Variants in SLC30A9 observed in about 807,000 individuals in gnomAD.
The protein encoded by SLC30A9 is solute carrier family 30 member 9.
SLC30A9 carries 58 observed loss-of-function variants against 87.5 expected under a neutral mutation model. That is an observed-to-expected ratio of 0.66 (90% CI 0.54 to 0.82). SLC30A9 has a LOEUF of 0.82. Among genes scored for constraint, SLC30A9 ranks in the 40% least tolerant of loss-of-function variants. The probability of loss-of-function intolerance (pLI) is 0.00; values close to 1 mark genes in which losing one functional copy is unlikely to be tolerated. For synonymous variants in SLC30A9, 234 were observed against 233.0 expected (o/e 1.00, Z -0.04); for missense variants, 557 against 679.1 (o/e 0.82, Z 2.00).
intron 1 of SLC30A9, among the ~76,000 whole-genome samples, chr4:41,994,168 A>AAAG (rs34701237): frequency 0.71 from 107,575 of 151,462 alleles, 40,921 homozygotes; most frequent in East Asian, 0.96. Flanking sequence ...AAGAAAAAAA[A>AAAG]AAGTTATAAT....
chr4:41,990,659 C>T lies in SLC30A9; in HGVS notation c.8C>T (p.Pro3Leu), dbSNP rs767957901. 9 of 1,605,402 alleles carry T rather than the reference C, an allele frequency of 5.6e-6. No individual in the cohort carries two copies. In the South Asian group the frequency reaches 7.7e-5, roughly 14 times the overall value. The change falls in exon 1 of 18, where the codon CCC (proline) becomes CTC (leucine). Residue 3 changes from proline (P) to leucine (L), a missense_variant. Physicochemically the swap from Pro to Leu is moderately conservative, Grantham distance 98 (BLOSUM62 -3). Coordinates refer to ENST00000264451, the MANE Select transcript of SLC30A9 (RefSeq NM_006345.4). Reference sequence around the variant, plus strand: ...GGCCTCTGCCCCACCAGGATGTTACCCGGCTTGGCCGCCGCCGCGGCCCAC... The same window carrying T: ...GGCCTCTGCCCCACCAGGATGTTACTCGGCTTGGCCGCCGCCGCGGCCCAC... ML[P>L]GLAAAAAHRC...
chr4:42,018,648 A>C (rs1164039693), intron 3 of SLC30A9: 1 of 220,288 alleles, frequency 4.5e-6, no homozygotes, highest in Non-Finnish European at 9.1e-6. Context: ...TATGATTAAC[A>C]GCACTGTGGC....
At chr4:42,067,992 G>A (rs1560558250) in intron 14 of SLC30A9, among the ~76,000 whole-genome samples, 1 of 152,182 alleles carries the variant, frequency 6.6e-6, no homozygotes, top group Non-Finnish European at 1.5e-5. Context: ...TTTGAATTAT[G>A]TGGTGATAGG....
intron 6 of SLC30A9, chr4:42,029,105 G>A (rs1382575748): frequency 2.5e-5 from 7 of 285,460 alleles, no homozygotes; most frequent in South Asian, 2.4e-4. Flanking sequence ...TCCTGTCTGC[G>A]GAGAGCCAGG....
At chr4:42,005,183 T>A (rs1333648056) in intron 2 of SLC30A9, among the ~76,000 whole-genome samples, 1 of 152,214 alleles carries the variant, frequency 6.6e-6, no homozygotes, top group African/African-American at 2.4e-5. Flanking sequence ...TAACTGTGAG[T>A]TCTTCATTTT....
At chr4:42,029,322 C>T (rs1716321896) in intron 6 of SLC30A9, 4 of 526,830 alleles carry the variant, frequency 7.6e-6, no homozygotes, top group South Asian at 6.2e-5. Flanking sequence ...TCATTCTATT[C>T]TACATAATAT....
chr4:42,036,540 GC>G (rs1337142962), intron 7 of SLC30A9, among the ~76,000 whole-genome samples: 2 of 152,166 alleles, frequency 1.3e-5, no homozygotes, highest in Non-Finnish European at 2.9e-5. Flanking sequence ...TTTAAACTTG[GC>G]TGGGAGGAAT....
At chr4:42,038,910 T>G in intron 7 of SLC30A9, 76 bp from the exon 8 acceptor site, 1 of 864,338 alleles carries the variant, frequency 1.2e-6, no homozygotes, top group Admixed American at 1.9e-5. Flanking sequence ...AATGTTCTGG[T>G]CTGTCAAAGC....
intron 1 of SLC30A9, among the ~76,000 whole-genome samples, chr4:42,000,042 G>T (rs1280599601): frequency 2.0e-5 from 3 of 152,172 alleles, no homozygotes; most frequent in East Asian, 1.9e-4. Context: ...GCAGTTTATT[G>T]TGCTGGTTTT....
chr4:42,025,472 A>G lies in SLC30A9; in HGVS notation c.610+2088A>G, dbSNP rs571950063. 3.9e-5 allele frequency among the ~76,000 whole-genome samples: 6 copies of G among 152,310 alleles called. No individual in the cohort carries two copies. The East Asian group carries it at 1.2e-3, about 29-fold the overall frequency. On this transcript the variant is annotated intron_variant, in intron 6 of 17. Transcript: ENST00000264451. ...ATGTCTCTTTTCAGCTAACCTAGTCAGGAGGAATAAGGAGTATATTTGTGT... is the reference window on the plus strand; with the variant it reads ...ATGTCTCTTTTCAGCTAACCTAGTCGGGAGGAATAAGGAGTATATTTGTGT...
At chr4:42,025,078 C>T (rs191637221) in intron 6 of SLC30A9, among the ~76,000 whole-genome samples, 1 of 141,866 alleles carries the variant, frequency 7.0e-6, no homozygotes, top group East Asian at 2.3e-4. Flanking sequence ...CCTTTTAATG[C>T]CCATCATCTG....
At chr4:42,072,322 T>C (rs1718344414) in intron 15 of SLC30A9, among the ~76,000 whole-genome samples, 1 of 152,076 alleles carries the variant, frequency 6.6e-6, no homozygotes. Context: ...TTCAGTTTAG[T>C]TTGCTCTTTT....
At chr4:42,021,755 T>C (rs1348368377) in intron 4 of SLC30A9, among the ~76,000 whole-genome samples, 1 of 151,892 alleles carries the variant, frequency 6.6e-6, no homozygotes, top group African/African-American at 2.4e-5. Context: ...GTTTTTTTTG[T>C]TTGTTTTTTT....
chr4:42,027,415 A>G (rs1716241416), intron 6 of SLC30A9, among the ~76,000 whole-genome samples: 1 of 152,038 alleles, frequency 6.6e-6, no homozygotes, highest in Non-Finnish European at 1.5e-5. Flanking sequence ...ATTCAGTAAC[A>G]GTTATAATTC....
intron 17 of SLC30A9, 63 bp downstream of exon 17, chr4:42,078,388 TA>T: frequency 1.2e-6 from 1 of 818,794 alleles, no homozygotes; most frequent in Non-Finnish European, 2.1e-6. Context: ...GTACTTACTC[TA>T]CAGCAGACAC....
chr4:41,993,510 A>T (rs1455898669), intron 1 of SLC30A9, among the ~76,000 whole-genome samples: 2 of 152,218 alleles, frequency 1.3e-5, no homozygotes, highest in Non-Finnish European at 2.9e-5. Flanking sequence ...GCCAATAAAA[A>T]TGCAAAAATG....
intron 3 of SLC30A9, among the ~76,000 whole-genome samples, chr4:42,019,143 A>G (rs1441225990): frequency 6.6e-6 from 1 of 152,188 alleles, no homozygotes; most frequent in Non-Finnish European, 1.5e-5. Flanking sequence ...AGTGATAGGT[A>G]ATCTTAGGCT....
intron 9 of SLC30A9, among the ~76,000 whole-genome samples, chr4:42,055,508 T>TC (rs1211229825): frequency 1.3e-5 from 2 of 152,176 alleles, no homozygotes; most frequent in African/African-American, 2.4e-5. Flanking sequence ...TGCCTCAGCT[T>TC]CCCGAATAGC....
At chr4:41,995,111 T>C (rs990736761) in intron 1 of SLC30A9, among the ~76,000 whole-genome samples, 46 of 151,946 alleles carry the variant, frequency 3.0e-4, no homozygotes, top group African/African-American at 1.0e-3. Context: ...CACAAAAAAA[T>C]TAGCTGGGCA....
Sources: gnomAD v4.1 joint callset for allele counts (sites outside exome capture counted in the v4.1 genomes callset) on GRCh38, gnomAD v4.1.1 for gene constraint, MANE v1.5 for transcripts, NCBI Gene and HGNC (gene_info 2026-07-23, HGNC 2026-07-21) for gene names.